The following MSH3 variants were observed in gnomAD, a reference collection of about 807,000 sequenced individuals.
MSH3 encodes DNA mismatch repair protein Msh3.
In MSH3, 106 loss-of-function variants were observed where a neutral mutation model predicts 123.3. That is an observed-to-expected ratio of 0.86 (90% confidence interval 0.73 to 1.01). MSH3 has a LOEUF of 1.01. Ranked by LOEUF, MSH3 falls within the 50% of genes least tolerant of loss-of-function variation. MSH3 has a pLI of 0.00. For synonymous variants in MSH3, 515 were observed against 481.4 expected (o/e 1.07, Z -0.91); for missense variants, 1,459 against 1,347.6 (o/e 1.08, Z -1.29).
At position 80,864,862 on chromosome 5, in the gene MSH3, T is replaced by C. The variant is rs1746073578; in HGVS notation, c.3050T>C (p.Leu1017Pro). ...FVTHYPPVCE[L>P]EKNYSHQVGN... ...ACCCATTATCCGCCAGTTTGTGAACTAGAAAAAAATTACTCACACCAGGTG... is the reference window on the plus strand; with the variant it reads ...ACCCATTATCCGCCAGTTTGTGAACCAGAAAAAAATTACTCACACCAGGTG... Residue 1017 changes from leucine (L) to proline (P), a missense_variant, in exon 22 of 24, where the codon CTA (leucine) becomes CCA (proline). Leu to Pro is a moderately conservative substitution (Grantham distance 98). Transcript: ENST00000265081. 6.2e-7 allele frequency: 1 copy of C among 1,613,464 alleles called. No individual in the cohort carries two copies.
intron 12 of MSH3, among the ~76,000 whole-genome samples, chr5:80,748,923 T>C (rs1743774836): frequency 2.6e-5 from 4 of 152,106 alleles, no homozygotes; most frequent in Admixed American, 2.6e-4. Context: ...GATTTGTTTA[T>C]CTTAGAGGTA....
At chr5:80,716,186 C>G (rs1750956831) in intron 8 of MSH3, among the ~76,000 whole-genome samples, 1 of 152,174 alleles carries the variant, frequency 6.6e-6, no homozygotes. Flanking sequence ...GACTCTATTT[C>G]AGAATTGTGT....
chr5:80,656,164 C>T (rs1232283388), intron 1 of MSH3, among the ~76,000 whole-genome samples: 1 of 152,174 alleles, frequency 6.6e-6, no homozygotes, highest in Non-Finnish European at 1.5e-5. Context: ...CGGTAGCAGC[C>T]TTGGTTTCAA....
chr5:80,694,936 T>C (rs1405256471), intron 8 of MSH3, among the ~76,000 whole-genome samples: 2 of 151,336 alleles, frequency 1.3e-5, no homozygotes, highest in Non-Finnish European at 2.9e-5. Flanking sequence ...AGTTTAATTA[T>C]GTGTCATGGA....
chr5:80,848,969 C>A (rs1745778093), intron 20 of MSH3, among the ~76,000 whole-genome samples: 1 of 152,158 alleles, frequency 6.6e-6, no homozygotes, highest in Admixed American at 6.5e-5. Context: ...TGCCTATGAG[C>A]CTGTAAAATC....
chr5:80,702,375 C>CATG (rs1750632147), intron 8 of MSH3, among the ~76,000 whole-genome samples: 1 of 152,194 alleles, frequency 6.6e-6, no homozygotes, highest in Admixed American at 6.5e-5. Flanking sequence ...GAGAAGAATG[C>CATG]ATGATGAGTG....
intron 2 of MSH3, 113 bp downstream of exon 2, chr5:80,656,644 T>G (rs1749297292): frequency 7.0e-7 from 1 of 1,438,074 alleles, no homozygotes; most frequent in Non-Finnish European, 9.6e-7. Context: ...TGGAGAAAGG[T>G]CCCTTTTGTT....
intron 21 of MSH3, among the ~76,000 whole-genome samples, chr5:80,862,810 T>G (rs572712910): frequency 6.6e-6 from 1 of 152,082 alleles, no homozygotes. Context: ...AAATAAACTT[T>G]AAAATGGTGG....
chr5:80,697,237 A>T (rs539601537), intron 8 of MSH3, among the ~76,000 whole-genome samples: 5 of 152,178 alleles, frequency 3.3e-5, no homozygotes, highest in African/African-American at 1.2e-4. Flanking sequence ...CCCAGAGGTC[A>T]GAAATCGTGC....
intron 22 of MSH3, among the ~76,000 whole-genome samples, chr5:80,872,903 A>AATT (rs1746245625): frequency 6.6e-6 from 1 of 152,244 alleles, no homozygotes; most frequent in Non-Finnish European, 1.5e-5. Context: ...AAGTGAACTA[A>AATT]AAGATAGATC....
At position 80,704,161 on chromosome 5, in the gene MSH3, C is replaced by T. The variant is rs547655130; in HGVS notation, c.1341-21292C>T. On this transcript the variant is annotated intron_variant, in intron 8 of 23. Coordinates refer to ENST00000265081, the MANE Select transcript of MSH3 (RefSeq NM_002439.5). ...CTGGGTCTATCAGTGCTACCCACGCCGCCGTGACTGTGGGTCACTGAGGGT... is the reference window on the plus strand; with the variant it reads ...CTGGGTCTATCAGTGCTACCCACGCTGCCGTGACTGTGGGTCACTGAGGGT... Among the ~76,000 whole-genome samples the T allele has an allele frequency of 5.9e-5, 9 of 152,280 alleles. No individual in the cohort carries two copies. In the South Asian group the frequency reaches 1.2e-3, roughly 21 times the overall value.
At chr5:80,739,189 G>C (rs2112865246) in intron 10 of MSH3, among the ~76,000 whole-genome samples, 1 of 152,296 alleles carries the variant, frequency 6.6e-6, no homozygotes, top group African/African-American at 2.4e-5. Context: ...CTAATTGTCA[G>C]AACAGCGGAA....
At chr5:80,662,296 C>T (rs1222101307) in intron 2 of MSH3, among the ~76,000 whole-genome samples, 3 of 152,140 alleles carry the variant, frequency 2.0e-5, no homozygotes, top group Non-Finnish European at 4.4e-5. Flanking sequence ...TAAGTACACT[C>T]TCTGATGTGC....
chr5:80,722,504 T>C (rs1751102415), intron 8 of MSH3, among the ~76,000 whole-genome samples: 1 of 152,242 alleles, frequency 6.6e-6, no homozygotes, highest in African/African-American at 2.4e-5. Flanking sequence ...ATTTTCATTA[T>C]AGCAGCAGTC....
At position 80,792,860 on chromosome 5, in the gene MSH3, C is replaced by A; in HGVS notation, c.2655+16C>A. On this transcript the variant is annotated intron_variant, in intron 19 of 23. Coordinates refer to ENST00000265081, the MANE Select transcript of MSH3 (RefSeq NM_002439.5). The stretch of plus-strand genomic sequence containing the variant: ...AGATTTATCAGTAAGTACCTTATGC[C>A]AAAAAATAAGTCGATGATAACATCC... 2 of 1,496,002 alleles carry A rather than the reference C, an allele frequency of 1.3e-6. No individual in the cohort carries two copies. Among genetic ancestry groups the A allele is most frequent in the South Asian group, 1.1e-5 (1 of 87,544 alleles). The allele number at this position is 1,496,002 out of a possible 1,614,324, so 92.7% of individuals were successfully genotyped here.
intron 19 of MSH3, among the ~76,000 whole-genome samples, chr5:80,794,902 A>G (rs1453351844): frequency 6.6e-6 from 1 of 152,184 alleles, no homozygotes; most frequent in African/African-American, 2.4e-5. Flanking sequence ...TACATGGTCC[A>G]TGGTTGGATG....
intron 22 of MSH3, among the ~76,000 whole-genome samples, chr5:80,872,642 C>CA (rs762034511): frequency 2.7e-4 from 41 of 152,000 alleles, no homozygotes; most frequent in Admixed American, 5.9e-4. Context: ...CTGATCTCTA[C>CA]AAAAAATATT....
rs571262492 is a variant in MSH3 at position 80,677,449 on chromosome 5, C to G, written c.1174-1478C>G. On this transcript the variant is annotated intron_variant, in intron 7 of 23. Coordinates refer to ENST00000265081, the MANE Select transcript of MSH3 (RefSeq NM_002439.5). Reference sequence around the variant, plus strand: ...ACTGAAAAATTTGTTACTTTAACATCTGTACCTGGTTTTTGTAAATGCTTG... The same window carrying G: ...ACTGAAAAATTTGTTACTTTAACATGTGTACCTGGTTTTTGTAAATGCTTG... 5.9e-5 allele frequency among the ~76,000 whole-genome samples: 9 copies of G among 152,314 alleles called. No homozygotes were observed. The East Asian group carries it at 7.7e-4, about 13-fold the overall frequency.
intron 19 of MSH3, among the ~76,000 whole-genome samples, chr5:80,802,798 C>T (rs1310412067): frequency 2.6e-5 from 4 of 152,120 alleles, no homozygotes; most frequent in Non-Finnish European, 4.4e-5. Context: ...ATTTTCAGTT[C>T]CCACAAAGAA....
Sources: allele counts gnomAD v4.1 joint callset (sites outside exome capture counted in the v4.1 genomes callset), GRCh38; gene constraint gnomAD v4.1.1; transcripts MANE v1.5; gene names NCBI Gene and HGNC (gene_info 2026-07-23, HGNC 2026-07-21).